LRRTM4: variants seen among roughly 807,000 people sequenced by gnomAD.
The protein encoded by LRRTM4 is leucine-rich repeat transmembrane neuronal protein 4.
Under a neutral mutation model 47.6 loss-of-function variants are expected in LRRTM4, and 25 were observed. The ratio of observed to expected loss-of-function variants is 0.53; its 90% CI spans 0.38 to 0.73. The LOEUF is 0.73. Ranked by LOEUF, LRRTM4 falls within the 30% of genes least tolerant of loss-of-function variation. The pLI is 0.00. For synonymous variants in LRRTM4, 311 were observed against 269.5 expected (o/e 1.15, Z -1.51); for missense variants, 638 against 713.4 (o/e 0.89, Z 1.20).
At chr2:76,836,159 TAAAA>T (rs11361011) in intron 3 of LRRTM4, among the ~76,000 whole-genome samples, 10 of 146,104 alleles carry the variant, frequency 6.8e-5, no homozygotes, top group African/African-American at 2.2e-4. Flanking sequence ...TAGTATGCGG[TAAAA>T]AAAAAAAAAA....
At chr2:76,831,009 C>G (rs1221818013) in intron 3 of LRRTM4, among the ~76,000 whole-genome samples, 1 of 152,052 alleles carries the variant, frequency 6.6e-6, no homozygotes, top group African/African-American at 2.4e-5. Flanking sequence ...AATTACTAAT[C>G]AATTACTTAC....
chr2:77,428,993 G>C lies in LRRTM4; in HGVS notation c.1551+89325C>G, dbSNP rs184338245. Among the ~76,000 whole-genome samples the C allele has an allele frequency of 5.1e-3, 773 of 152,256 alleles. 1 individual carries two copies. The highest frequency in any genetic ancestry group is 9.5e-3 in the Non-Finnish European group (646 of 68,030). On this transcript the variant is annotated intron_variant, in intron 3 of 3. Transcript: ENST00000409884. Reference sequence around the variant, plus strand: ...CCTAAATTAATCCTTTACTGGGTAGGAAAGTTTAACAATGTCATTCCCTGG... The same window carrying C: ...CCTAAATTAATCCTTTACTGGGTAGCAAAGTTTAACAATGTCATTCCCTGG...
At chr2:76,978,844 A>G (rs1361341346) in intron 3 of LRRTM4, among the ~76,000 whole-genome samples, 1 of 152,060 alleles carries the variant, frequency 6.6e-6, no homozygotes, top group Non-Finnish European at 1.5e-5. Context: ...AGAACAATGC[A>G]GTGTCTTACC....
intron 3 of LRRTM4, among the ~76,000 whole-genome samples, chr2:76,825,699 T>C (rs1024844951): frequency 2.6e-5 from 4 of 151,572 alleles, no homozygotes; most frequent in African/African-American, 9.7e-5. Context: ...AATGGGGACA[T>C]ATACATTGTG....
chr2:77,294,661 A>G (rs970835710), intron 3 of LRRTM4, among the ~76,000 whole-genome samples: 5 of 152,168 alleles, frequency 3.3e-5, no homozygotes, highest in Non-Finnish European at 5.9e-5. Flanking sequence ...GTGTGACCTG[A>G]ATGGCTCCCT....
intron 3 of LRRTM4, among the ~76,000 whole-genome samples, chr2:77,063,564 T>G (rs10198799): frequency 6.6e-6 from 1 of 151,852 alleles, no homozygotes; most frequent in African/African-American, 2.4e-5. Context: ...GTAGTCTCTT[T>G]CAAATTAGCA....
chr2:76,958,687 G>T (rs1200153026), intron 3 of LRRTM4, among the ~76,000 whole-genome samples: 1 of 151,640 alleles, frequency 6.6e-6, no homozygotes, highest in African/African-American at 2.4e-5. Flanking sequence ...TAGCTCTTGG[G>T]TAACTTTCAT....
intron 3 of LRRTM4, among the ~76,000 whole-genome samples, chr2:76,873,984 T>A (rs76722770): frequency 6.6e-6 from 1 of 151,856 alleles, no homozygotes; most frequent in South Asian, 2.1e-4. Flanking sequence ...CCAGATTTAA[T>A]AAAAATTTTT....
At chr2:77,331,076 C>T (rs563058265) in intron 3 of LRRTM4, among the ~76,000 whole-genome samples, 2 of 152,060 alleles carry the variant, frequency 1.3e-5, no homozygotes, top group African/African-American at 4.8e-5. Context: ...ATAAAAGGTG[C>T]AACTGGTGGG....
At chr2:76,859,297 G>T (rs554370556) in intron 3 of LRRTM4, among the ~76,000 whole-genome samples, 10 of 151,540 alleles carry the variant, frequency 6.6e-5, no homozygotes, top group Admixed American at 5.3e-4. Flanking sequence ...TTTTTCCTCA[G>T]TTCCCCATTT....
intron 3 of LRRTM4, among the ~76,000 whole-genome samples, chr2:77,476,830 T>C (rs1677412300): frequency 6.6e-6 from 1 of 152,012 alleles, no homozygotes; most frequent in Non-Finnish European, 1.5e-5. Context: ...AATGGTGGTA[T>C]TTTTTTAAGG....
At chr2:76,933,610 A>C (rs951738369) in intron 3 of LRRTM4, among the ~76,000 whole-genome samples, 6 of 152,106 alleles carry the variant, frequency 3.9e-5, no homozygotes, top group Non-Finnish European at 7.4e-5. Context: ...TCATGTTTTG[A>C]AAAAATAACA....
chr2:77,170,505 G>A (rs1006507075), intron 3 of LRRTM4, among the ~76,000 whole-genome samples: 9 of 152,174 alleles, frequency 5.9e-5, no homozygotes, highest in South Asian at 2.1e-4. Context: ...AGAAACCTGG[G>A]TGAGACTTCT....
chr2:77,315,613 C>T (rs1185207198), intron 3 of LRRTM4, among the ~76,000 whole-genome samples: 1 of 152,116 alleles, frequency 6.6e-6, no homozygotes, highest in South Asian at 2.1e-4. Flanking sequence ...CAGGTTTCTT[C>T]CTGACTCTAG....
chr2:77,297,086 T>G (rs1220423016), intron 3 of LRRTM4, among the ~76,000 whole-genome samples: 1 of 152,130 alleles, frequency 6.6e-6, no homozygotes, highest in Non-Finnish European at 1.5e-5. Context: ...GTCTGTTTCT[T>G]TTTGTTTTTG....
chr2:76,914,958 C>T (rs1674193956), intron 3 of LRRTM4, among the ~76,000 whole-genome samples: 1 of 152,138 alleles, frequency 6.6e-6, no homozygotes, highest in African/African-American at 2.4e-5. Flanking sequence ...AAATGGTACT[C>T]CTTTTCTTTG....
At chr2:77,341,753 T>C (rs1029610233) in intron 3 of LRRTM4, among the ~76,000 whole-genome samples, 3 of 152,060 alleles carry the variant, frequency 2.0e-5, no homozygotes, top group Admixed American at 1.3e-4. Context: ...TAGTGACCTT[T>C]TAATATGAGT....
intron 3 of LRRTM4, among the ~76,000 whole-genome samples, chr2:76,754,330 T>C (rs940128919): frequency 3.3e-5 from 5 of 152,170 alleles, no homozygotes; most frequent in Non-Finnish European, 5.9e-5. Context: ...CTGGTTTTTT[T>C]CAAGAACTTT....
intron 3 of LRRTM4, among the ~76,000 whole-genome samples, chr2:76,919,334 T>C (rs1295062884): frequency 6.6e-6 from 1 of 152,162 alleles, no homozygotes; most frequent in Admixed American, 6.6e-5. Context: ...TGGTACCTCA[T>C]GGCCCAAGGC....
Sources: allele counts gnomAD v4.1 joint callset (sites outside exome capture counted in the v4.1 genomes callset), GRCh38; gene constraint gnomAD v4.1.1; transcripts MANE v1.5; gene names NCBI Gene and HGNC (gene_info 2026-07-23, HGNC 2026-07-21).